The following PAK5 variants were observed in gnomAD, a reference collection of about 807,000 sequenced individuals.
The protein encoded by PAK5 is p21 (RAC1) activated kinase 5.
In PAK5, 16 loss-of-function variants were observed where a neutral mutation model predicts 65.9. The observed-to-expected ratio is 0.24, with a 90% CI of 0.16 to 0.37. PAK5 has a LOEUF of 0.37. Ranked by LOEUF, PAK5 falls within the 10% of genes least tolerant of loss-of-function variation. PAK5 has a pLI of 1.00. For missense variants in PAK5, 785 were observed against 903.9 expected (o/e 0.87, Z 1.69); for synonymous variants, 371 against 354.9 (o/e 1.05, Z -0.51).
intron 3 of PAK5, among the ~76,000 whole-genome samples, chr20:9,632,152 G>T (rs1600171452): frequency 6.6e-6 from 1 of 152,310 alleles, no homozygotes; most frequent in South Asian, 2.1e-4. Flanking sequence ...CTGGGGAAAA[G>T]AAGATGTCCC....
At chr20:9,553,967 G>A (rs1203107975) in intron 7 of PAK5, among the ~76,000 whole-genome samples, 1 of 152,164 alleles carries the variant, frequency 6.6e-6, no homozygotes, top group Non-Finnish European at 1.5e-5. Flanking sequence ...AAGTTCCTAT[G>A]AGCAGTGTAT....
At chr20:9,597,591 T>A (rs2123092301) in intron 3 of PAK5, among the ~76,000 whole-genome samples, 1 of 152,262 alleles carries the variant, frequency 6.6e-6, no homozygotes, top group Non-Finnish European at 1.5e-5. Flanking sequence ...TCCTTTGGAG[T>A]GTGACTCCGC....
At chr20:9,749,936 C>T (rs762819834) in intron 1 of PAK5, among the ~76,000 whole-genome samples, 4 of 152,174 alleles carry the variant, frequency 2.6e-5, no homozygotes, top group Non-Finnish European at 4.4e-5. Context: ...TTTTGAGCGT[C>T]ACTGCCTTAC....
At chr20:9,577,366 A>C (rs1367318705) in intron 4 of PAK5, 1 of 151,854 alleles carries the variant, frequency 6.6e-6, no homozygotes, top group Non-Finnish European at 1.5e-5. Context: ...TTAGGACAAA[A>C]TGTAAAACTG....
At chr20:9,562,597 T>C (rs1249168509) in intron 6 of PAK5, among the ~76,000 whole-genome samples, 2 of 152,216 alleles carry the variant, frequency 1.3e-5, no homozygotes, top group East Asian at 3.8e-4. Flanking sequence ...TAGAAATCTA[T>C]ATAGGCGACA....
At chr20:9,630,868 A>T (rs958577721) in intron 3 of PAK5, among the ~76,000 whole-genome samples, 1 of 152,076 alleles carries the variant, frequency 6.6e-6, no homozygotes, top group Admixed American at 6.5e-5. Flanking sequence ...CCCTGCCCCC[A>T]TTTTGAATCA....
At chr20:9,789,988 GA>G (rs1176042857) in intron 1 of PAK5, among the ~76,000 whole-genome samples, 2 of 152,230 alleles carry the variant, frequency 1.3e-5, no homozygotes, top group South Asian at 2.1e-4. Context: ...GTAAATGAAT[GA>G]GCAAATGCTT....
chr20:9,574,762 T>C (rs1030837547), intron 4 of PAK5, among the ~76,000 whole-genome samples: 9 of 152,168 alleles, frequency 5.9e-5, no homozygotes, highest in Non-Finnish European at 1.0e-4. Flanking sequence ...TCCTTGGATG[T>C]TTTATGAGCC....
At chr20:9,811,182 CT>C (rs1240197692) in intron 1 of PAK5, among the ~76,000 whole-genome samples, 2 of 152,112 alleles carry the variant, frequency 1.3e-5, no homozygotes, top group African/African-American at 4.8e-5. Flanking sequence ...CAATGATCCC[CT>C]CCTTATAAAT....
chr20:9,564,743 G>A (rs1383055723), intron 5 of PAK5, among the ~76,000 whole-genome samples: 2 of 152,024 alleles, frequency 1.3e-5, no homozygotes, highest in Non-Finnish European at 2.9e-5. Context: ...AACACTCACT[G>A]CAAAATAATA....
intron 3 of PAK5, 32 bp downstream of exon 3, chr20:9,644,093 A>T: frequency 6.5e-7 from 1 of 1,545,012 alleles, no homozygotes; most frequent in Non-Finnish European, 9.0e-7. Flanking sequence ...CATGATTCTT[A>T]AGCCCAGCCA....
intron 2 of PAK5, among the ~76,000 whole-genome samples, chr20:9,673,538 C>T (rs556782226): frequency 7.2e-5 from 11 of 152,200 alleles, no homozygotes; most frequent in African/African-American, 1.9e-4. Flanking sequence ...TAGTAACTTC[C>T]ACACTGGATA....
At chr20:9,635,794 CA>C (rs1378440649) in intron 3 of PAK5, among the ~76,000 whole-genome samples, 1 of 152,072 alleles carries the variant, frequency 6.6e-6, no homozygotes, top group Admixed American at 6.6e-5. Context: ...AACAAACAAA[CA>C]AAAAACACTG....
intron 2 of PAK5, among the ~76,000 whole-genome samples, chr20:9,696,906 C>T (rs1284290576): frequency 6.6e-6 from 1 of 152,010 alleles, no homozygotes; most frequent in East Asian, 1.9e-4. Flanking sequence ...ATCCCCAGCA[C>T]ACAGAAGAGC....
Position 9,562,152 on chromosome 20 carries a change from T to G in PAK5, c.1616+739A>C, listed in dbSNP as rs559215062. On this transcript the variant is annotated intron_variant, in intron 6 of 9. Coordinates refer to ENST00000353224, the MANE Select transcript of PAK5 (RefSeq NM_177990.4). ...TAAATAGAAATATTTATTGACTCTTTCTGAGAGAGACATTTAGGTATTCTT... is the reference window on the plus strand; with the variant it reads ...TAAATAGAAATATTTATTGACTCTTGCTGAGAGAGACATTTAGGTATTCTT... Among the ~76,000 whole-genome samples the G allele has an allele frequency of 2.0e-5, 3 of 152,336 alleles. No homozygotes were observed. In the South Asian group the frequency reaches 6.2e-4, roughly 32 times the overall value.
intron 2 of PAK5, among the ~76,000 whole-genome samples, chr20:9,710,827 C>T (rs1233175932): frequency 6.6e-6 from 1 of 152,182 alleles, no homozygotes; most frequent in African/African-American, 2.4e-5. Flanking sequence ...AAGCCCCTCT[C>T]TTAAAGTGAT....
chr20:9,552,766 G>C (rs1205925294), intron 7 of PAK5, among the ~76,000 whole-genome samples: 3 of 151,048 alleles, frequency 2.0e-5, no homozygotes, highest in Non-Finnish European at 4.4e-5. Flanking sequence ...TTATCACTCA[G>C]GCTGGAGTGT....
intron 1 of PAK5, among the ~76,000 whole-genome samples, chr20:9,744,022 T>C (rs1037409707): frequency 6.6e-6 from 1 of 152,162 alleles, no homozygotes; most frequent in Non-Finnish European, 1.5e-5. Flanking sequence ...GATTTGAAGA[T>C]GCTGGCCTTG....
chr20:9,787,806 T>C (rs1231229597), intron 1 of PAK5, among the ~76,000 whole-genome samples: 1 of 152,094 alleles, frequency 6.6e-6, no homozygotes, highest in Non-Finnish European at 1.5e-5. Flanking sequence ...GCAATAGATA[T>C]AAATAACCAC....
Sources: allele counts gnomAD v4.1 joint callset (sites outside exome capture counted in the v4.1 genomes callset), GRCh38; gene constraint gnomAD v4.1.1; transcripts MANE v1.5; gene names NCBI Gene and HGNC (gene_info 2026-07-23, HGNC 2026-07-21).